The following SUCLG2 variants were observed in gnomAD, a reference collection of about 807,000 sequenced individuals.
SUCLG2 encodes succinate-CoA ligase GDP-forming subunit beta.
Under a neutral mutation model 47.9 loss-of-function variants are expected in SUCLG2, and 42 were observed. The observed-to-expected ratio is 0.88, with a 90% CI of 0.69 to 1.14. SUCLG2 has a LOEUF of 1.14. SUCLG2 is among the 50% of genes most tolerant of loss of function. The pLI is 0.00. For synonymous variants in SUCLG2, 195 were observed against 197.3 expected, an observed-to-expected ratio of 0.99 and a Z score of 0.10; for missense variants, 571 against 525.9, an observed-to-expected ratio of 1.09 and a Z score of -0.84.
chr3:67,525,029 T>C (rs2107138934), intron 4 of SUCLG2, among the ~76,000 whole-genome samples: 1 of 152,332 alleles, frequency 6.6e-6, no homozygotes, highest in East Asian at 1.9e-4. Flanking sequence ...CCAATGCCAC[T>C]TGTAATTGCT....
At chr3:67,442,891 C>G (rs1575698952) in intron 9 of SUCLG2, among the ~76,000 whole-genome samples, 6 of 152,162 alleles carry the variant, frequency 3.9e-5, no homozygotes, top group Admixed American at 3.9e-4. Flanking sequence ...AAATGTGCAT[C>G]CCCTTCACAA....
At chr3:67,613,671 GTTAT>G (rs997285819) in intron 1 of SUCLG2, among the ~76,000 whole-genome samples, 4 of 152,298 alleles carry the variant, frequency 2.6e-5, no homozygotes, top group East Asian at 1.9e-4. Flanking sequence ...AATTCTGGGG[GTTAT>G]TTGTTACTAT....
chr3:67,502,345 G>GATATCT (rs1705517586), intron 7 of SUCLG2, among the ~76,000 whole-genome samples: 1 of 152,140 alleles, frequency 6.6e-6, no homozygotes, highest in Admixed American at 6.5e-5. Context: ...CTACAATGTT[G>GATATCT]TGCCATCTAA....
intron 10 of SUCLG2, among the ~76,000 whole-genome samples, chr3:67,379,816 C>T (rs1394232625): frequency 6.6e-6 from 1 of 152,196 alleles, no homozygotes; most frequent in African/African-American, 2.4e-5. Flanking sequence ...CCTCCCCATG[C>T]CCCAACTAAA....
At chr3:67,458,199 C>G (rs1490734428) in intron 9 of SUCLG2, among the ~76,000 whole-genome samples, 1 of 152,124 alleles carries the variant, frequency 6.6e-6, no homozygotes, top group Non-Finnish European at 1.5e-5. Flanking sequence ...AATGGCCTAC[C>G]TAACCCCAGG....
At chr3:67,380,415 C>A (rs1199017681) in intron 10 of SUCLG2, among the ~76,000 whole-genome samples, 3 of 152,124 alleles carry the variant, frequency 2.0e-5, no homozygotes, top group African/African-American at 4.8e-5. Flanking sequence ...AAACCACAAC[C>A]CTTCTCTCCT....
chr3:67,474,624 G>C (rs1222208648), intron 9 of SUCLG2, among the ~76,000 whole-genome samples: 1 of 152,118 alleles, frequency 6.6e-6, no homozygotes, highest in African/African-American at 2.4e-5. Context: ...TACATATAAA[G>C]TTTTAAAATA....
chr3:67,631,703 T>A (rs1266042613), intron 1 of SUCLG2, among the ~76,000 whole-genome samples: 1 of 152,182 alleles, frequency 6.6e-6, no homozygotes, highest in Non-Finnish European at 1.5e-5. Flanking sequence ...TTTTACCTCA[T>A]AACACCTCTC....
At chr3:67,426,818 C>A (rs576860368) in intron 9 of SUCLG2, among the ~76,000 whole-genome samples, 34 of 152,070 alleles carry the variant, frequency 2.2e-4, no homozygotes, top group African/African-American at 7.7e-4. Flanking sequence ...GTCCCAACTA[C>A]CTGGGAGGCT....
intron 9 of SUCLG2, among the ~76,000 whole-genome samples, chr3:67,401,796 A>C (rs1311545039): frequency 6.6e-6 from 1 of 152,266 alleles, no homozygotes; most frequent in Non-Finnish European, 1.5e-5. Flanking sequence ...AAGCATATAT[A>C]TATGTGCTGC....
intron 9 of SUCLG2, among the ~76,000 whole-genome samples, chr3:67,420,261 G>A (rs1018475606): frequency 6.6e-6 from 1 of 152,134 alleles, no homozygotes; most frequent in Non-Finnish European, 1.5e-5. Context: ...TACAAAATAG[G>A]CAACGTAATA....
At chr3:67,641,238 C>A (rs1197367281) in intron 1 of SUCLG2, among the ~76,000 whole-genome samples, 5 of 152,154 alleles carry the variant, frequency 3.3e-5, no homozygotes, top group Non-Finnish European at 5.9e-5. Context: ...ATGGTCAGAG[C>A]TTCTCAAATC....
chr3:67,448,991 G>A (rs1703992264), intron 9 of SUCLG2, among the ~76,000 whole-genome samples: 1 of 152,024 alleles, frequency 6.6e-6, no homozygotes, highest in Non-Finnish European at 1.5e-5. Flanking sequence ...AAACACTGTT[G>A]AATTTGAATA....
intron 4 of SUCLG2, among the ~76,000 whole-genome samples, chr3:67,527,228 C>T (rs1706277667): frequency 6.6e-6 from 1 of 152,216 alleles, no homozygotes; most frequent in Non-Finnish European, 1.5e-5. Flanking sequence ...TTGGTAGAGA[C>T]CACTGATCTG....
chr3:67,632,123 T>C (rs1332340930), intron 1 of SUCLG2, among the ~76,000 whole-genome samples: 1 of 152,196 alleles, frequency 6.6e-6, no homozygotes, highest in Non-Finnish European at 1.5e-5. Flanking sequence ...TTGAGCCATA[T>C]ATTATGTACA....
chr3:67,391,500 T>C (rs999704081), intron 10 of SUCLG2, among the ~76,000 whole-genome samples: 9 of 152,180 alleles, frequency 5.9e-5, no homozygotes, highest in South Asian at 2.1e-4. Context: ...CTGTGTCCCA[T>C]ATGCTTCGTG....
chr3:67,589,774 C>T (rs567484551), intron 2 of SUCLG2, among the ~76,000 whole-genome samples: 2 of 152,280 alleles, frequency 1.3e-5, no homozygotes, highest in South Asian at 2.1e-4. Flanking sequence ...CCTCACAACG[C>T]ACAGTGAAGC....
rs146296982 is a variant in SUCLG2, at chr3:67,411,871, A to C, written c.1063-11020T>G. On this transcript the variant is annotated intron_variant, in intron 9 of 10. Coordinates refer to ENST00000307227, the MANE Select transcript of SUCLG2 (RefSeq NM_003848.4). ...AATTAAGAGGAAAACCAAATAAACA[A>C]TAATGCAAGAAAGTTACACATTCAA... Among the ~76,000 whole-genome samples the C allele has an allele frequency of 3.0e-4, 46 of 152,354 alleles. 1 individual carries two copies. In the East Asian group the frequency reaches 8.7e-3, roughly 29 times the overall value.
intron 1 of SUCLG2, among the ~76,000 whole-genome samples, chr3:67,616,929 T>C (rs957917566): frequency 6.6e-6 from 1 of 152,204 alleles, no homozygotes; most frequent in African/African-American, 2.4e-5. Context: ...GGAAAATATA[T>C]TTCCCTCTCA....
Sources: allele counts gnomAD v4.1 joint callset (sites outside exome capture counted in the v4.1 genomes callset), GRCh38; gene constraint gnomAD v4.1.1; transcripts MANE v1.5; gene names NCBI Gene and HGNC (gene_info 2026-07-23, HGNC 2026-07-21).